Variants in OTUD7A observed in about 807,000 individuals in gnomAD.
OTUD7A encodes OTU domain-containing protein 7A.
OTUD7A carries 12 observed loss-of-function variants against 65.7 expected under a neutral mutation model. The observed-to-expected ratio is 0.18, with a 90% CI of 0.12 to 0.30. OTUD7A has a LOEUF of 0.30. Ranked by LOEUF, OTUD7A falls within the 10% of genes least tolerant of loss-of-function variation. The pLI, the probability that OTUD7A is intolerant of heterozygous loss-of-function variation, is 1.00. For missense variants in OTUD7A, 1,148 were observed against 1,304.8 expected, an observed-to-expected ratio of 0.88 and a Z score of 1.85; for synonymous variants, 641 against 586.3, an observed-to-expected ratio of 1.09 and a Z score of -1.35.
intron 1 of OTUD7A, among the ~76,000 whole-genome samples, chr15:31,699,448 T>A (rs1169586827): frequency 2.0e-5 from 3 of 152,250 alleles, no homozygotes; most frequent in Admixed American, 1.3e-4. Flanking sequence ...GTCCTCATTG[T>A]TTATGGATGA....
intron 1 of OTUD7A, among the ~76,000 whole-genome samples, chr15:31,826,558 A>T (rs1269593626): frequency 6.6e-6 from 1 of 152,214 alleles, no homozygotes; most frequent in Non-Finnish European, 1.5e-5. Context: ...CATGCCCTGG[A>T]AACATTTTCC....
chr15:31,836,136 A>G (rs1367666393), intron 1 of OTUD7A, among the ~76,000 whole-genome samples: 1 of 152,154 alleles, frequency 6.6e-6, no homozygotes, highest in African/African-American at 2.4e-5. Context: ...CCGAGAAACC[A>G]AAACTTTTTT....
intron 1 of OTUD7A, among the ~76,000 whole-genome samples, chr15:31,852,369 G>A (rs760584319): frequency 5.9e-5 from 9 of 152,144 alleles, no homozygotes; most frequent in Non-Finnish European, 1.0e-4. Flanking sequence ...CTTTTAAGTC[G>A]CCATGGCCTT....
At chr15:31,858,755 G>A (rs1044817258) in intron 1 of OTUD7A, among the ~76,000 whole-genome samples, 10 of 152,182 alleles carry the variant, frequency 6.6e-5, no homozygotes, top group African/African-American at 1.2e-4. Flanking sequence ...TGGGCTAGCC[G>A]CTGTGTTAGC....
intron 1 of OTUD7A, among the ~76,000 whole-genome samples, chr15:31,866,274 A>G (rs1897873293): frequency 6.6e-6 from 1 of 152,188 alleles, no homozygotes; most frequent in African/African-American, 2.4e-5. Context: ...GACAGGCCAG[A>G]CCTTGGCCAG....
intron 1 of OTUD7A, among the ~76,000 whole-genome samples, chr15:31,692,981 T>C (rs1474402687): frequency 1.3e-5 from 2 of 151,706 alleles, no homozygotes; most frequent in South Asian, 2.1e-4. Flanking sequence ...CTTTATCTCT[T>C]AGTCTTCCTA....
At chr15:31,622,536 T>G (rs1165142642) in intron 3 of OTUD7A, among the ~76,000 whole-genome samples, 2 of 152,222 alleles carry the variant, frequency 1.3e-5, no homozygotes, top group African/African-American at 2.4e-5. Flanking sequence ...ACTGATACCC[T>G]TTCTTCCAGT....
chr15:31,735,126 A>G (rs1177523247), intron 1 of OTUD7A, among the ~76,000 whole-genome samples: 3 of 152,254 alleles, frequency 2.0e-5, no homozygotes, highest in Middle Eastern at 3.2e-3. Flanking sequence ...CATGTAGTCA[A>G]CAATCATATG....
At chr15:31,679,197 G>T (rs1892658263) in intron 1 of OTUD7A, among the ~76,000 whole-genome samples, 1 of 152,186 alleles carries the variant, frequency 6.6e-6, no homozygotes, top group Non-Finnish European at 1.5e-5. Context: ...TACCCCCATT[G>T]TATCTAGGAA....
intron 3 of OTUD7A, among the ~76,000 whole-genome samples, chr15:31,640,459 G>A (rs28394324): frequency 0.24 from 36,241 of 151,738 alleles, 5,440 homozygotes; most frequent in East Asian, 0.66. Flanking sequence ...TTTTTTTCTA[G>A]AAGACTTTTT....
At chr15:31,529,715 T>C (rs1485203827) in intron 6 of OTUD7A, among the ~76,000 whole-genome samples, 2 of 152,192 alleles carry the variant, frequency 1.3e-5, no homozygotes, top group African/African-American at 4.8e-5. Flanking sequence ...TTATCTCACC[T>C]ACCTCTTGCT....
intron 1 of OTUD7A, among the ~76,000 whole-genome samples, chr15:31,838,979 T>TG (rs1439932447): frequency 6.6e-6 from 1 of 152,208 alleles, no homozygotes; most frequent in Non-Finnish European, 1.5e-5. Flanking sequence ...TCCGATGGAC[T>TG]GGAGGACCCA....
chr15:31,821,303 C>CTTT (rs57817074), intron 1 of OTUD7A, among the ~76,000 whole-genome samples: 20 of 113,162 alleles, frequency 1.8e-4, no homozygotes, highest in Admixed American at 7.3e-4. Flanking sequence ...GCCCAGGTAC[C>CTTT]TTTTTTTTTT....
At chr15:31,666,325 ATTCT>A (rs199816936) in intron 1 of OTUD7A, among the ~76,000 whole-genome samples, 2,495 of 152,192 alleles carry the variant, frequency 0.016, 26 homozygotes, top group Middle Eastern at 0.041. Flanking sequence ...AGGGTATCTA[ATTCT>A]TCCTGATTTA....
chr15:31,853,205 AC>A (rs1897475487), intron 1 of OTUD7A, among the ~76,000 whole-genome samples: 1 of 152,228 alleles, frequency 6.6e-6, no homozygotes, highest in Admixed American at 6.5e-5. Context: ...TCCGTGCAAA[AC>A]AGTGACCTAT....
chr15:31,827,987 T>C (rs1218968148), intron 1 of OTUD7A, among the ~76,000 whole-genome samples: 1 of 152,164 alleles, frequency 6.6e-6, no homozygotes, highest in Non-Finnish European at 1.5e-5. Flanking sequence ...TCCTTTTGTG[T>C]GGTCCTATCC....
chr15:31,817,235 C>G (rs555454669), intron 1 of OTUD7A, among the ~76,000 whole-genome samples: 10 of 151,160 alleles, frequency 6.6e-5, no homozygotes, highest in Non-Finnish European at 1.0e-4. Flanking sequence ...TTATTCACAT[C>G]CAGTTTCTCC....
chr15:31,822,208 TC>T (rs536199111), intron 1 of OTUD7A, among the ~76,000 whole-genome samples: 2 of 152,166 alleles, frequency 1.3e-5, no homozygotes, highest in Non-Finnish European at 2.9e-5. Context: ...GGTCATCTGC[TC>T]CCATGTGTAT....
intron 5 of OTUD7A, among the ~76,000 whole-genome samples, chr15:31,550,848 TCAG>T (rs1470438648): frequency 1.3e-5 from 2 of 152,170 alleles, no homozygotes; most frequent in African/African-American, 4.8e-5. Context: ...CTGGGAGTGT[TCAG>T]CAGGTGTCTG....
Sources: allele counts gnomAD v4.1 joint callset (sites outside exome capture counted in the v4.1 genomes callset), GRCh38; gene constraint gnomAD v4.1.1; transcripts MANE v1.5; gene names NCBI Gene and HGNC (gene_info 2026-07-23, HGNC 2026-07-21).